The following DYTN variants were observed in gnomAD, a reference collection of about 807,000 sequenced individuals.
DYTN encodes dystrotelin.
In DYTN, 75 loss-of-function variants were observed where a neutral mutation model predicts 69.6. The ratio of observed to expected loss-of-function variants is 1.08; its 90% confidence interval spans 0.89 to 1.31. The LOEUF (loss-of-function observed/expected upper bound fraction) is 1.31, where lower values mean the gene tolerates loss of function less well. DYTN is among the 50% of genes most tolerant of loss of function. DYTN has a pLI of 0.00. For synonymous variants in DYTN, 252 were observed against 249.1 expected (o/e 1.01, Z -0.11); for missense variants, 726 against 688.4 (o/e 1.05, Z -0.61).
intron 9 of DYTN, among the ~76,000 whole-genome samples, chr2:206,668,485 A>G (rs769994633): frequency 1.3e-5 from 2 of 152,216 alleles, no homozygotes; most frequent in African/African-American, 2.4e-5. Context: ...TTATCTACTC[A>G]TAACAAACAA....
At position 206,663,169 on chromosome 2, in the gene DYTN, G is replaced by T; in HGVS notation, c.1367C>A (p.Pro456Gln). The T allele has an allele frequency of 6.2e-7, 1 of 1,613,914 alleles. No homozygotes were observed. The highest frequency in any genetic ancestry group is 8.5e-7 in the Non-Finnish European group (1 of 1,179,886). ...CCTGGTGCTGTGCAAAGTGGTCTCT[G>T]GTGATTCTGGATTTCGCAGAGCATG... Reference protein sequence around the residue: ...AEHALRNPESPETTLHSTRAQ... With the variant: ...AEHALRNPESQETTLHSTRAQ... Residue 456 changes from proline to glutamine, a missense_variant, in exon 11 of 12, where the codon CCA becomes CAA. Transcript: ENST00000452335.
At chr2:206,704,741 T>C (rs1343130609) in intron 5 of DYTN, 102 bp downstream of exon 5, 7 of 965,192 alleles carry the variant, frequency 7.3e-6, no homozygotes, top group Admixed American at 6.7e-5. Context: ...CATGGAGTTA[T>C]ATATAAAGAT....
intron 9 of DYTN, among the ~76,000 whole-genome samples, chr2:206,692,349 C>T (rs1699872683): frequency 6.6e-6 from 1 of 151,496 alleles, no homozygotes; most frequent in Admixed American, 6.6e-5. Flanking sequence ...AAATGAAGGT[C>T]ACAAAAACCT....
Position 206,651,683 on chromosome 2 carries a change from C to G in DYTN, c.*135G>C, listed in dbSNP as rs1574582742. The G allele has an allele frequency of 1.6e-5, 13 of 791,570 alleles. No individual in the cohort carries two copies. In the East Asian group the frequency reaches 3.7e-4, roughly 23 times the overall value. 49.0% of individuals were successfully genotyped at this position (791,570 alleles called of 1,614,324 possible). A position where few individuals can be genotyped will look rare whatever the true frequency, so the allele number is the denominator to read the frequency against. ...AAGATACATAAGTAGGGAGGGAGAT[C>G]AAAAAACAAAACCTGTTTTCTTCAT... On this transcript the variant is annotated 3_prime_UTR_variant, in exon 12 of 12. Coordinates refer to ENST00000452335, the MANE Select transcript of DYTN (RefSeq NM_001093730.1).
intron 9 of DYTN, among the ~76,000 whole-genome samples, chr2:206,692,414 G>A (rs1182703300): frequency 6.6e-6 from 1 of 152,142 alleles, no homozygotes; most frequent in African/African-American, 2.4e-5. Flanking sequence ...TACTGGAAGT[G>A]GCAGGCTGTG....
At chr2:206,705,245 T>C (rs1203829732) in intron 4 of DYTN, among the ~76,000 whole-genome samples, 1 of 152,124 alleles carries the variant, frequency 6.6e-6, no homozygotes, top group Non-Finnish European at 1.5e-5. Flanking sequence ...TACAGGCGTG[T>C]GCCACCACAC....
chr2:206,665,060 C>T (rs550450103), intron 10 of DYTN, among the ~76,000 whole-genome samples: 52 of 152,288 alleles, frequency 3.4e-4, no homozygotes, highest in Non-Finnish European at 6.6e-4. Flanking sequence ...AAGTATGCCT[C>T]GGTATCTGAA....
chr2:206,711,023 G>A (rs982359889), intron 1 of DYTN, among the ~76,000 whole-genome samples: 2 of 152,120 alleles, frequency 1.3e-5, no homozygotes, highest in South Asian at 2.1e-4. Flanking sequence ...TATTTATTGA[G>A]CCCTTAGTAT....
chr2:206,676,509 T>C (rs1362454503), intron 9 of DYTN, among the ~76,000 whole-genome samples: 3 of 152,154 alleles, frequency 2.0e-5, no homozygotes, highest in African/African-American at 7.2e-5. Flanking sequence ...GATGGCTTGA[T>C]AGGTGCAGCA....
chr2:206,683,294 G>A (rs1371326856), intron 9 of DYTN, among the ~76,000 whole-genome samples: 2 of 150,754 alleles, frequency 1.3e-5, no homozygotes, highest in African/African-American at 2.4e-5. Flanking sequence ...CCTTACATTG[G>A]CCTTCCATCT....
intron 6 of DYTN, 43 bp downstream of exon 6, chr2:206,700,102 C>A: frequency 6.2e-7 from 1 of 1,611,438 alleles, no homozygotes; most frequent in Non-Finnish European, 8.5e-7. Flanking sequence ...TCCCAATACA[C>A]CGTGTCTGTC....
At position 206,693,288 on chromosome 2, in the gene DYTN, C is replaced by G; in HGVS notation, c.867G>C (p.Arg289Ser). 6.2e-7 allele frequency: 1 copy of G among 1,613,268 alleles called. No individual in the cohort carries two copies. Among genetic ancestry groups the G allele is most frequent in the Non-Finnish European group, 8.5e-7 (1 of 1,179,868 alleles). Reference protein sequence around the residue: ...SAMQNTKLLFRTLRNNLLQGR... With the variant: ...SAMQNTKLLFSTLRNNLLQGR... ...CCTGAAGAAGGTTGTTTCTGAGGGT[C>G]CTGAAGAGAAGTTTTGTATTCTGCA... Residue 289 changes from arginine to serine, a missense_variant, in exon 9 of 12, where the codon AGG becomes AGC. Transcript: ENST00000452335.
intron 11 of DYTN, among the ~76,000 whole-genome samples, chr2:206,658,304 G>C (rs1160467660): frequency 6.6e-6 from 1 of 151,938 alleles, no homozygotes; most frequent in African/African-American, 2.4e-5. Flanking sequence ...TTCTCTGTCA[G>C]GTAATTCAAA....
At chr2:206,704,769 C>T (rs1305638340) in intron 5 of DYTN, 74 bp downstream of exon 5, 1 of 1,267,076 alleles carries the variant, frequency 7.9e-7, no homozygotes, top group Non-Finnish European at 1.1e-6. Context: ...ACACTGGAGA[C>T]ATCAGATTCT....
At chr2:206,697,935 G>T (rs1266257048) in intron 7 of DYTN, among the ~76,000 whole-genome samples, 9 of 152,142 alleles carry the variant, frequency 5.9e-5, no homozygotes, top group Admixed American at 5.9e-4. Flanking sequence ...AATAGAAATA[G>T]TATCTGCTTT....
chr2:206,696,533 A>C (rs1039250040), intron 7 of DYTN, among the ~76,000 whole-genome samples: 1 of 152,208 alleles, frequency 6.6e-6, no homozygotes, highest in African/African-American at 2.4e-5. Context: ...CAGGCAGTGT[A>C]CATGTGTTGA....
chr2:206,693,735 C>G lies in DYTN; in HGVS notation c.832-412G>C, dbSNP rs558370258. ...TACAATTTCAGTGGACTCACAGGCT[C>G]ACCCGAAATCCATTTATTTCACCCC... is the stretch of plus-strand genomic sequence containing the variant. On this transcript the variant is annotated intron_variant, in intron 8 of 11. Transcript: ENST00000452335. Among the ~76,000 whole-genome samples the G allele has an allele frequency of 2.2e-4, 33 of 152,340 alleles. No individual in the cohort carries two copies. The South Asian group carries it at 2.9e-3, about 13-fold the overall frequency.
intron 9 of DYTN, chr2:206,678,908 A>G (rs181199392): frequency 1.3e-5 from 2 of 152,332 alleles, no homozygotes; most frequent in East Asian, 3.9e-4. Flanking sequence ...GGTCATATGA[A>G]CATCTTAAAA....
At chr2:206,686,687 G>GGGCAT in intron 9 of DYTN, 1 of 152,350 alleles carries the variant, frequency 6.6e-6, no homozygotes, top group South Asian at 2.1e-4. Context: ...ATGTCCCCAT[G>GGGCAT]GGCATCTGAA....
Sources: gnomAD v4.1 joint callset for allele counts (sites outside exome capture counted in the v4.1 genomes callset) on GRCh38, gnomAD v4.1.1 for gene constraint, MANE v1.5 for transcripts, NCBI Gene and HGNC (gene_info 2026-07-23, HGNC 2026-07-21) for gene names.